MPDZ: variants seen among roughly 807,000 people sequenced by gnomAD.
MPDZ encodes multiple PDZ domain protein.
Under a neutral mutation model 239.1 loss-of-function variants are expected in MPDZ, and 234 were observed. The ratio of observed to expected loss-of-function variants is 0.98; its 90% CI spans 0.88 to 1.09. The LOEUF (loss-of-function observed/expected upper bound fraction) is 1.09. MPDZ is among the 50% of genes least tolerant of loss of function. The probability of loss-of-function intolerance (pLI) is 0.00; values close to 1 mark genes in which losing one functional copy is unlikely to be tolerated. For missense variants in MPDZ, 3,175 were observed against 2,510.0 expected (o/e 1.26, Z -5.66); for synonymous variants, 1,048 against 881.3 (o/e 1.19, Z -3.35).
At chr9:13,277,009 AG>A (rs1974358633) in intron 1 of MPDZ, among the ~76,000 whole-genome samples, 1 of 152,224 alleles carries the variant, frequency 6.6e-6, no homozygotes. Flanking sequence ...TTACATATCA[AG>A]GATTTCCAAG....
rs1944435417 is a variant in MPDZ, at chr9:13,122,080, T to C, written c.5037+7A>G. 6.2e-7 allele frequency: 1 copy of C among 1,613,618 alleles called. No individual in the cohort carries two copies. The highest frequency in any genetic ancestry group is 8.5e-7 in the Non-Finnish European group (1 of 1,179,740). On this transcript the variant is annotated splice_region_variant and intron_variant, in intron 37 of 46. Transcript: ENST00000319217. ...AATTTTGAAGGTCAAAAACAGGCAT[T>C]CTATACCTCTAAGATCTGATCTCCA...
intron 22 of MPDZ, among the ~76,000 whole-genome samples, chr9:13,166,250 T>C (rs1951064193): frequency 1.3e-5 from 2 of 152,142 alleles, no homozygotes; most frequent in African/African-American, 2.4e-5. Flanking sequence ...TTGGGAAGAT[T>C]ATTCACATAG....
intron 1 of MPDZ, among the ~76,000 whole-genome samples, chr9:13,267,303 T>C (rs2139071989): frequency 6.6e-6 from 1 of 152,314 alleles, no homozygotes; most frequent in East Asian, 1.9e-4. Context: ...TATCCCTGTT[T>C]TCTTAAACAA....
chr9:13,230,898 G>A (rs1587978031), intron 3 of MPDZ, among the ~76,000 whole-genome samples: 1 of 152,140 alleles, frequency 6.6e-6, no homozygotes, highest in South Asian at 2.1e-4. Flanking sequence ...AGACTTAGAT[G>A]TAAGAGGGAA....
intron 20 of MPDZ, 30 bp from the exon 21 acceptor site, chr9:13,175,905 A>T: frequency 6.4e-7 from 1 of 1,569,078 alleles, no homozygotes; most frequent in Non-Finnish European, 8.6e-7. Context: ...GTCACAAGTC[A>T]CATGGAAAGG....
chr9:13,179,592 G>C (rs1953002416), intron 19 of MPDZ, among the ~76,000 whole-genome samples: 2 of 151,982 alleles, frequency 1.3e-5, no homozygotes, highest in African/African-American at 4.8e-5. Context: ...GGATCTAAAA[G>C]AAAAACAGTT....
intron 1 of MPDZ, among the ~76,000 whole-genome samples, chr9:13,272,293 G>C (rs1041635822): frequency 2.0e-5 from 3 of 152,094 alleles, no homozygotes; most frequent in Admixed American, 6.5e-5. Flanking sequence ...AATGAAGCTA[G>C]CTAGGGAGCA....
intron 3 of MPDZ, among the ~76,000 whole-genome samples, chr9:13,242,985 T>C (rs898153611): frequency 3.3e-5 from 5 of 152,198 alleles, no homozygotes; most frequent in African/African-American, 7.2e-5. Flanking sequence ...AATAATCCTG[T>C]TGTGAACTGC....
chr9:13,274,198 T>C (rs947564561), intron 1 of MPDZ, among the ~76,000 whole-genome samples: 2 of 152,172 alleles, frequency 1.3e-5, no homozygotes, highest in Admixed American at 1.3e-4. Context: ...AATTACCTTA[T>C]GTATTTTATT....
At chr9:13,155,250 T>C (rs541014872) in intron 24 of MPDZ, among the ~76,000 whole-genome samples, 1 of 152,202 alleles carries the variant, frequency 6.6e-6, no homozygotes, top group African/African-American at 2.4e-5. Flanking sequence ...TATAGCAACC[T>C]TAAAAAGCAA....
At chr9:13,109,648 A>C (rs907484671) in intron 45 of MPDZ, among the ~76,000 whole-genome samples, 9 of 152,194 alleles carry the variant, frequency 5.9e-5, no homozygotes, top group African/African-American at 2.2e-4. Context: ...GCTCCATATT[A>C]CATGAAGTGG....
intron 39 of MPDZ, 47 bp downstream of exon 39, chr9:13,119,454 CT>C (rs778772777): frequency 1.5e-5 from 23 of 1,561,468 alleles, no homozygotes; most frequent in Non-Finnish European, 1.9e-5. Context: ...TTAAAATTAT[CT>C]TTTTTCTTCT....
chr9:13,115,837 C>T (rs201958648), intron 39 of MPDZ, among the ~76,000 whole-genome samples: 8 of 150,586 alleles, frequency 5.3e-5, no homozygotes, highest in Non-Finnish European at 8.8e-5. Flanking sequence ...CCCAGCTACT[C>T]AGGAGGCTGA....
intron 32 of MPDZ, among the ~76,000 whole-genome samples, chr9:13,127,519 T>C (rs1945301157): frequency 1.3e-5 from 2 of 152,240 alleles, no homozygotes. Flanking sequence ...CTAGCCACCT[T>C]CTAATTTTTT....
intron 9 of MPDZ, 28 bp from the exon 10 acceptor site, chr9:13,216,890 C>A (rs773989380): frequency 2.6e-6 from 4 of 1,551,698 alleles, no homozygotes; most frequent in Non-Finnish European, 3.5e-6. Context: ...TTATTTTTCA[C>A]AATTTTCAAA....
intron 22 of MPDZ, 82 bp from the exon 23 acceptor site, chr9:13,162,877 A>G: frequency 7.8e-6 from 7 of 895,708 alleles, no homozygotes; most frequent in Non-Finnish European, 1.2e-5. Context: ...AATAAAGGAA[A>G]CAAATCATAT....
At chr9:13,217,650 A>C (rs1958521148) in intron 8 of MPDZ, among the ~76,000 whole-genome samples, 1 of 151,902 alleles carries the variant, frequency 6.6e-6, no homozygotes, top group South Asian at 2.1e-4. Flanking sequence ...AGTACATCTG[A>C]AAGAACTAAT....
rs1331677 is a variant in MPDZ at position 13,216,130 on chromosome 9, G to A, written c.1290+644C>T. ...TATTTGATAAGGAAGTTTTGTTGCA[G>A]GGTCTCTTGAATTTCTGTTTCAGGC... On this transcript the variant is annotated intron_variant, in intron 10 of 46. Transcript: ENST00000319217. Among the ~76,000 whole-genome samples, 17 of 151,378 alleles carry A rather than the reference G, an allele frequency of 1.1e-4. No homozygotes were observed. The East Asian group carries it at 2.0e-3, about 17-fold the overall frequency.
intron 19 of MPDZ, among the ~76,000 whole-genome samples, chr9:13,178,363 T>G (rs1952795703): frequency 1.3e-5 from 2 of 152,162 alleles, no homozygotes; most frequent in African/African-American, 4.8e-5. Context: ...TTGCCAGTCC[T>G]AGATTAGTTT....
Sources: gnomAD v4.1 joint callset for allele counts (sites outside exome capture counted in the v4.1 genomes callset) on GRCh38, gnomAD v4.1.1 for gene constraint, MANE v1.5 for transcripts, NCBI Gene and HGNC (gene_info 2026-07-23, HGNC 2026-07-21) for gene names.